The following EML1 variants were observed in gnomAD, a reference collection of about 807,000 sequenced individuals.
EML1 encodes EMAP like 1.
Under a neutral mutation model 110.4 loss-of-function variants are expected in EML1, and 27 were observed. That is an observed-to-expected ratio of 0.24 (90% confidence interval 0.18 to 0.34). The LOEUF (loss-of-function observed/expected upper bound fraction) is 0.34. EML1 is among the 10% of genes least tolerant of loss of function. EML1 has a pLI of 1.00. For missense variants in EML1, 741 were observed against 1,030.9 expected (o/e 0.72, Z 3.85); for synonymous variants, 344 against 385.8 (o/e 0.89, Z 1.27).
Position 99,937,773 on chromosome 14 carries a change from T to G in EML1, c.2096-44T>G, listed in dbSNP as rs761660568. ...GGCTCAGCCTTGCTTAGGGGAGGGGTGGGGCCTTGGCTTAGATGTTGCCAG... is the reference window on the plus strand; with the variant it reads ...GGCTCAGCCTTGCTTAGGGGAGGGGGGGGGCCTTGGCTTAGATGTTGCCAG... On this transcript the variant is annotated intron_variant, in intron 19 of 21. Transcript: ENST00000262233. 2.9e-5 allele frequency: 45 copies of G among 1,572,328 alleles called. 1 individual carries two copies. In the Admixed American group the frequency reaches 7.4e-4, roughly 26 times the overall value.
chr14:99,797,770 ATC>A (rs1250253938), intron 1 of EML1, among the ~76,000 whole-genome samples: 4 of 152,194 alleles, frequency 2.6e-5, no homozygotes, highest in African/African-American at 9.7e-5. Flanking sequence ...CTGGCAAGTA[ATC>A]TCATCTCATG....
intron 9 of EML1, 133 bp downstream of exon 9, chr14:99,901,172 C>T: frequency 1.4e-6 from 1 of 727,624 alleles, no homozygotes; most frequent in Non-Finnish European, 2.3e-6. Flanking sequence ...CTGAAACATT[C>T]CTGCTTCCCA....
chr14:99,882,649 TAAAAAAAA>T (rs199622855), intron 4 of EML1, among the ~76,000 whole-genome samples: 1 of 127,764 alleles, frequency 7.8e-6, no homozygotes, highest in Non-Finnish European at 1.6e-5. Context: ...GCTGATGAGC[TAAAAAAAA>T]AAAAAAAAAA....
At chr14:99,859,492 A>G (rs1185556610) in intron 2 of EML1, among the ~76,000 whole-genome samples, 1 of 152,222 alleles carries the variant, frequency 6.6e-6, no homozygotes. Context: ...GAGTGGGAAG[A>G]TACCTTAAGG....
In EML1 at chr14:99,781,036, T is replaced by C. The variant is rs114411874; in HGVS notation, c.-27+7023T>C. Among the ~76,000 whole-genome samples, 1,172 of 152,152 alleles carry C rather than the reference T, an allele frequency of 7.7e-3. 13 individuals are homozygous for C. The highest frequency in any genetic ancestry group is 0.027 in the African/African-American group (1,132 of 41,486). On this transcript the variant is annotated intron_variant, in intron 1 of 22. Coordinates refer to the EML1 transcript ENST00000327921. This position sits in a 1 kb window ranked among gnomAD's most constrained non-coding sequence, Gnocchi z 4.2. ...CATCCACCTCATCCTTTAACCTTCCTCTCCCGGGTGATGAAGCATCTCTCC... is the reference window on the plus strand; with the variant it reads ...CATCCACCTCATCCTTTAACCTTCCCCTCCCGGGTGATGAAGCATCTCTCC...
At chr14:99,898,341 G>T in intron 8 of EML1, 39 bp downstream of exon 8, 1 of 1,576,218 alleles carries the variant, frequency 6.3e-7, no homozygotes, top group Non-Finnish European at 8.6e-7. Flanking sequence ...ATAATGAACT[G>T]GTAACACAAA....
At chr14:99,858,465 G>GT (rs1179048146) in intron 2 of EML1, among the ~76,000 whole-genome samples, 1 of 152,058 alleles carries the variant, frequency 6.6e-6, no homozygotes, top group African/African-American at 2.4e-5. Flanking sequence ...GATTACAGGC[G>GT]TGAGCCACCG....
chr14:99,892,553 G>A (rs2059605779), intron 5 of EML1, among the ~76,000 whole-genome samples: 1 of 152,124 alleles, frequency 6.6e-6, no homozygotes, highest in Non-Finnish European at 1.5e-5. Context: ...TGGCGTGTGT[G>A]CTGTTATCCT....
chr14:99,806,468 C>T (rs887601012), intron 1 of EML1, among the ~76,000 whole-genome samples: 6 of 152,042 alleles, frequency 3.9e-5, no homozygotes, highest in African/African-American at 9.7e-5. Flanking sequence ...AGGCATGCTC[C>T]ACCACACCCA....
rs564637810 is a variant in EML1 at position 99,764,513 on chromosome 14, C to T, written c.28+26653C>T. Among the ~76,000 whole-genome samples, 130 of 152,328 alleles carry T rather than the reference C, an allele frequency of 8.5e-4. 4 individuals are homozygous for T. In the South Asian group the frequency reaches 0.026, roughly 30 times the overall value. On this transcript the variant is annotated intron_variant, in intron 1 of 10. Coordinates refer to the EML1 transcript ENST00000554479. ...ATTTCTGACAAGCTCCCAGGTTTAG[C>T]GGATGCTGCTGGTCTCAAGAGCAGG...
Position 99,796,055 on chromosome 14 carries a change from C to A in EML1, c.67+2512C>A, listed in dbSNP as rs112263228. ...TTTAAAAGTTGGCTGGGCATGGTGG[C>A]TTGAACCTGTAATCCTAGCTACTCA... is the stretch of plus-strand genomic sequence containing the variant. On this transcript the variant is annotated intron_variant, in intron 1 of 21. Transcript: ENST00000262233. 3.5e-3 allele frequency among the ~76,000 whole-genome samples: 528 copies of A among 152,172 alleles called. 2 individuals carry two copies. Among genetic ancestry groups the A allele is most frequent in the African/African-American group, 0.011 (451 of 41,522 alleles).
At chr14:99,837,874 A>G (rs1231324591) in intron 1 of EML1, among the ~76,000 whole-genome samples, 1 of 152,184 alleles carries the variant, frequency 6.6e-6, no homozygotes, top group Non-Finnish European at 1.5e-5. Context: ...ATCACAGCTC[A>G]CTGCAGCCTC....
At chr14:99,876,673 C>T (rs1294926592) in intron 3 of EML1, among the ~76,000 whole-genome samples, 2 of 152,236 alleles carry the variant, frequency 1.3e-5, no homozygotes, top group Non-Finnish European at 2.9e-5. Flanking sequence ...TCTCACCCAC[C>T]CACACCTCCA....
At chr14:99,799,670 T>A (rs1397029495) in intron 1 of EML1, among the ~76,000 whole-genome samples, 1 of 152,178 alleles carries the variant, frequency 6.6e-6, no homozygotes, top group South Asian at 2.1e-4. Flanking sequence ...ACCCACGCAT[T>A]TTGGTGGAAA....
intron 17 of EML1, among the ~76,000 whole-genome samples, chr14:99,932,672 G>A (rs1292160749): frequency 1.3e-5 from 2 of 151,194 alleles, no homozygotes; most frequent in East Asian, 1.9e-4. Flanking sequence ...AAGATATGGC[G>A]ATGGTGATTA....
chr14:99,745,296 C>T (rs907894052), intron 1 of EML1, among the ~76,000 whole-genome samples: 2 of 152,202 alleles, frequency 1.3e-5, no homozygotes, highest in Non-Finnish European at 2.9e-5. Flanking sequence ...AAACTTCTGA[C>T]CTCAAATTAT....
At chr14:99,793,194 G>A (rs2057699968), upstream of EML1, 4 of 334,326 alleles carry the variant, frequency 1.2e-5, no homozygotes, top group Non-Finnish European at 1.7e-5. Context: ...GGGGAAAGAG[G>A]CCGCAGGCGC....
chr14:99,916,935 A>G (rs777301800), intron 15 of EML1, among the ~76,000 whole-genome samples: 1 of 152,118 alleles, frequency 6.6e-6, no homozygotes, highest in African/African-American at 2.4e-5. Context: ...TCTTTCATGG[A>G]TCATTCCATC....
intron 1 of EML1, among the ~76,000 whole-genome samples, chr14:99,775,339 G>A (rs1245683159): frequency 6.6e-6 from 1 of 152,236 alleles, no homozygotes; most frequent in African/African-American, 2.4e-5. Context: ...GGCATTCAGA[G>A]GAGGGAGAAA....
Sources: gnomAD v4.1 joint callset for allele counts (sites outside exome capture counted in the v4.1 genomes callset) on GRCh38, gnomAD v4.1.1 for gene constraint, Gnocchi (gnomAD v3.1) non-coding constraint, MANE v1.5 for transcripts, NCBI Gene and HGNC (gene_info 2026-07-23, HGNC 2026-07-21) for gene names.